The following ARL14EPL variants were observed in gnomAD, a reference collection of about 807,000 sequenced individuals.
ARL14EPL encodes ARL14 effector protein-like.
A neutral mutation model predicts 15.9 loss-of-function variants in ARL14EPL; 17 were observed. That is an observed-to-expected ratio of 1.07 (90% CI 0.73 to 1.60). ARL14EPL has a LOEUF of 1.60. Ranked by LOEUF, ARL14EPL falls within the 40% of genes most tolerant of loss-of-function variation. ARL14EPL has a pLI of 0.00. For synonymous variants in ARL14EPL, 78 were observed against 63.8 expected (o/e 1.22, Z -1.06); for missense variants, 214 against 185.9 (o/e 1.15, Z -0.88).
chr5:116,046,708 G>T (rs1749274366), intron 1 of ARL14EPL, among the ~76,000 whole-genome samples: 2 of 152,176 alleles, frequency 1.3e-5, no homozygotes, highest in Non-Finnish European at 2.9e-5. Flanking sequence ...CAGCGCTGAA[G>T]AAATGCCTGG....
intron 1 of ARL14EPL, among the ~76,000 whole-genome samples, chr5:116,048,811 T>G (rs1176366025): frequency 6.6e-6 from 1 of 152,110 alleles, no homozygotes; most frequent in Non-Finnish European, 1.5e-5. Flanking sequence ...AGGGATGGGA[T>G]ATTATTGGCA....
At chr5:116,056,663 T>C in intron 3 of ARL14EPL, among the ~76,000 whole-genome samples, 1 of 152,238 alleles carries the variant, frequency 6.6e-6, no homozygotes, top group Non-Finnish European at 1.5e-5. Context: ...TAGATCCCAT[T>C]TGTCAATTTT....
At chr5:116,056,289 C>T (rs994876040) in intron 3 of ARL14EPL, among the ~76,000 whole-genome samples, 2 of 152,122 alleles carry the variant, frequency 1.3e-5, no homozygotes, top group Non-Finnish European at 2.9e-5. Flanking sequence ...TCCTGTTTCT[C>T]CACATCCTCT....
chr5:116,049,279 C>A (rs780971167), intron 1 of ARL14EPL, among the ~76,000 whole-genome samples: 1 of 152,158 alleles, frequency 6.6e-6, no homozygotes, highest in East Asian at 1.9e-4. Context: ...ATACCAGATT[C>A]TTTCCTGCAA....
intron 1 of ARL14EPL, among the ~76,000 whole-genome samples, chr5:116,036,018 C>T (rs1046886069): frequency 1.3e-5 from 2 of 152,200 alleles, no homozygotes; most frequent in Non-Finnish European, 2.9e-5. Flanking sequence ...GCAGAGCTGG[C>T]AAAGCCAAAA....
chr5:116,046,049 A>G (rs1749261832), intron 1 of ARL14EPL, among the ~76,000 whole-genome samples: 2 of 152,150 alleles, frequency 1.3e-5, no homozygotes, highest in African/African-American at 4.8e-5. Context: ...TCTCTACCAG[A>G]TATGCCCCTG....
In ARL14EPL at chr5:116,045,570, G is replaced by A. The variant is rs77851724; in HGVS notation, c.-9-5887G>A. 7.6e-3 allele frequency among the ~76,000 whole-genome samples: 1,159 copies of A among 152,272 alleles called. 52 individuals carry two copies. The East Asian group carries it at 0.13, about 17-fold the overall frequency. On this transcript the variant is annotated intron_variant, in intron 1 of 3. Transcript: ENST00000686077. ...GATCTGTCAGTGACCCAGACAGGCC[G>A]TTTAAGGGAGTTGGTTTTAAAGTGA...
rs184940628 is a variant in ARL14EPL, at chr5:116,056,862, A to G, written c.237-1863A>G. 2.3e-3 allele frequency among the ~76,000 whole-genome samples: 344 copies of G among 152,304 alleles called. 2 individuals carry two copies. Among genetic ancestry groups the G allele is most frequent in the African/African-American group, 7.8e-3 (324 of 41,546 alleles). On this transcript the variant is annotated intron_variant, in intron 3 of 3. Transcript: ENST00000686077. ...AAGGGATCCAATTTCAGCTTTCTAC[A>G]TATGGCTAGCCAGTTTTCCCAGCAC...
intron 1 of ARL14EPL, among the ~76,000 whole-genome samples, chr5:116,040,937 G>A (rs532623679): frequency 7.6e-4 from 96 of 126,780 alleles, no homozygotes; most frequent in African/African-American, 2.8e-3. Context: ...CTGAAATAGC[G>A]CCACTGCACT....
In ARL14EPL at chr5:116,059,058, G is replaced by C; in HGVS notation, c.*111G>C. On this transcript the variant is annotated 3_prime_UTR_variant, in exon 4 of 4. Coordinates refer to ENST00000686077, the MANE Select transcript of ARL14EPL (RefSeq NM_001195581.2). ...GGAAATATCGAAAAAACATACTGAA[G>C]ACTCATGTTCTGTCAAGCCCCAGAA... is the stretch of plus-strand genomic sequence containing the variant. 1.0e-6 allele frequency: 1 copy of C among 984,596 alleles called. No homozygotes were observed. Among genetic ancestry groups the C allele is most frequent in the South Asian group, 1.6e-5 (1 of 64,474 alleles). 61.0% of individuals were successfully genotyped at this position (984,596 alleles called of 1,614,324 possible). A position where few individuals can be genotyped will look rare whatever the true frequency, so the allele number is the denominator to read the frequency against.
rs554750637 is a variant in ARL14EPL, at chr5:116,051,951, T to C, written c.96+390T>C. 3,109 of 1,610,642 alleles carry C rather than the reference T, an allele frequency of 1.9e-3. 8 individuals are homozygous for C. Among genetic ancestry groups the C allele is most frequent in the Non-Finnish European group, 2.4e-3 (2,835 of 1,178,186 alleles). The stretch of plus-strand genomic sequence containing the variant: ...GCAGCTGGAGCATCTCCACCCTTGG[T>C]ATTTCTGGTGTAAATTACTTGAGCT... On this transcript the variant is annotated intron_variant, in intron 2 of 3. Coordinates refer to ENST00000686077, the MANE Select transcript of ARL14EPL (RefSeq NM_001195581.2).
At chr5:116,037,703 A>G (rs946269508) in intron 1 of ARL14EPL, among the ~76,000 whole-genome samples, 2 of 152,230 alleles carry the variant, frequency 1.3e-5, no homozygotes, top group Non-Finnish European at 2.9e-5. Flanking sequence ...TAAAATATTA[A>G]TAACTTTAAA....
intron 1 of ARL14EPL, among the ~76,000 whole-genome samples, chr5:116,040,554 G>A (rs1187093248): frequency 6.6e-6 from 1 of 151,316 alleles, no homozygotes; most frequent in Non-Finnish European, 1.5e-5. Flanking sequence ...AGTCAAAGTA[G>A]TAACACAATA....
chr5:116,051,600 A>C (rs1749380785), intron 2 of ARL14EPL, 39 bp downstream of exon 2: 5 of 1,470,738 alleles, frequency 3.4e-6, no homozygotes, highest in Non-Finnish European at 4.6e-6. Context: ...GCTACTGGGG[A>C]GTGCCCCCTC....
intron 1 of ARL14EPL, among the ~76,000 whole-genome samples, chr5:116,040,623 G>C (rs1022838320): frequency 6.6e-6 from 1 of 150,810 alleles, no homozygotes. Context: ...AGTAAAATAA[G>C]GAAAATAATT....
intron 3 of ARL14EPL, among the ~76,000 whole-genome samples, chr5:116,055,868 A>G (rs557509447): frequency 6.6e-5 from 10 of 152,168 alleles, no homozygotes; most frequent in South Asian, 4.2e-4. Flanking sequence ...TCATTGTTCA[A>G]TTCTCATCTG....
chr5:116,058,366 G>A (rs1489668660), intron 3 of ARL14EPL, among the ~76,000 whole-genome samples: 1 of 152,124 alleles, frequency 6.6e-6, no homozygotes, highest in East Asian at 1.9e-4. Flanking sequence ...AAAACTTTGG[G>A]GGCATTTGTA....
intron 1 of ARL14EPL, among the ~76,000 whole-genome samples, chr5:116,045,095 T>C (rs1178705377): frequency 6.6e-6 from 1 of 152,164 alleles, no homozygotes; most frequent in East Asian, 1.9e-4. Flanking sequence ...CCTCTGAGGC[T>C]AGTAGAGAAC....
At position 116,058,880 on chromosome 5, in the gene ARL14EPL, T is replaced by C. The variant is rs1580420160; in HGVS notation, c.392T>C (p.Val131Ala). Residue 131 changes from valine to alanine, a missense_variant, in exon 4 of 4, where the codon GTT becomes GCT. By Grantham distance (64) the Val-to-Ala change is moderately conservative. Transcript: ENST00000686077. ...GAGTGCCGCTGCAACCGACGGTGGG[T>C]TTACGATGCCATCGTCACTGAGTCA... ...GPECRCNRRW[V>A]YDAIVTESGE... is the part of the protein sequence containing the mutation. The C allele has an allele frequency of 6.5e-7, 1 of 1,536,024 alleles. No homozygotes were observed. The highest frequency in any genetic ancestry group is 2.4e-5 in the East Asian group (1 of 40,916).
Sources: allele counts gnomAD v4.1 joint callset (sites outside exome capture counted in the v4.1 genomes callset), GRCh38; gene constraint gnomAD v4.1.1; transcripts MANE v1.5; gene names NCBI Gene and HGNC (gene_info 2026-07-23, HGNC 2026-07-21).